VIRMA: variants seen among roughly 807,000 people sequenced by gnomAD.
The protein encoded by VIRMA is protein virilizer homolog.
VIRMA carries 65 observed loss-of-function variants against 182.4 expected under a neutral mutation model. That is an observed-to-expected ratio of 0.36 (90% CI 0.29 to 0.44). The LOEUF is 0.44. Ranked by LOEUF, VIRMA falls within the 20% of genes least tolerant of loss-of-function variation. VIRMA has a pLI of 1.00. For missense variants in VIRMA, 1,752 were observed against 2,158.1 expected, an observed-to-expected ratio of 0.81 and a Z score of 3.73; for synonymous variants, 709 against 743.1, an observed-to-expected ratio of 0.95 and a Z score of 0.75.
intron 21 of VIRMA, 21 bp downstream of exon 21, chr8:94,492,631 C>T: frequency 6.2e-7 from 1 of 1,600,498 alleles, no homozygotes; most frequent in Non-Finnish European, 8.6e-7. Flanking sequence ...CATTTGAGAT[C>T]TTCAGTGGAA....
chr8:94,538,212 G>T, intron 3 of VIRMA, 48 bp downstream of exon 3: 1 of 1,177,998 alleles, frequency 8.5e-7, no homozygotes, highest in Non-Finnish European at 1.3e-6. Flanking sequence ...AAAAGGTGTT[G>T]CTTACTAACT....
intron 14 of VIRMA, 56 bp downstream of exon 14, chr8:94,510,361 A>T: frequency 7.1e-7 from 1 of 1,415,764 alleles, no homozygotes; most frequent in Non-Finnish European, 9.8e-7. Flanking sequence ...TAAGGGAAAA[A>T]ATATATGTGT....
At chr8:94,518,479 T>C (rs1448776529) in intron 9 of VIRMA, among the ~76,000 whole-genome samples, 1 of 152,230 alleles carries the variant, frequency 6.6e-6, no homozygotes, top group African/African-American at 2.4e-5. Flanking sequence ...GCCATTTGCC[T>C]TGTGTGACAT....
chr8:94,511,924 CTAAA>C lies in VIRMA; in HGVS notation c.2845+68_2845+71del, dbSNP rs1279267916. On this transcript the variant is annotated intron_variant, in intron 12 of 23. Coordinates refer to ENST00000297591, the MANE Select transcript of VIRMA (RefSeq NM_015496.5). ...TAAATAAATGATGTTTAATAATTAACTAAATATTTAATAAATGATATTTATTCTA... is the reference window on the plus strand; with the variant it reads ...TAAATAAATGATGTTTAATAATTAACTATTTAATAAATGATATTTATTCTA... The C allele has an allele frequency of 1.1e-5, 9 of 831,766 alleles. No homozygotes were observed. The Admixed American group carries it at 3.2e-4, about 30-fold the overall frequency. 51.5% of individuals were successfully genotyped at this position (831,766 alleles called of 1,614,324 possible).
At chr8:94,541,622 A>T (rs2130384440) in intron 2 of VIRMA, among the ~76,000 whole-genome samples, 1 of 151,014 alleles carries the variant, frequency 6.6e-6, no homozygotes, top group Admixed American at 6.6e-5. Flanking sequence ...GATCACTGCA[A>T]CCTCCACCCC....
intron 8 of VIRMA, among the ~76,000 whole-genome samples, chr8:94,520,403 G>C (rs974174343): frequency 4.6e-5 from 7 of 151,990 alleles, no homozygotes; most frequent in African/African-American, 7.2e-5. Context: ...GCTGAGGTGG[G>C]AGGATCGCTT....
intron 16 of VIRMA, among the ~76,000 whole-genome samples, chr8:94,506,111 T>C (rs1162320593): frequency 1.3e-5 from 2 of 152,164 alleles, no homozygotes; most frequent in Non-Finnish European, 2.9e-5. Flanking sequence ...TCCCCATAGA[T>C]ACTGAGGAAC....
intron 21 of VIRMA, 147 bp downstream of exon 21, chr8:94,492,505 G>T: frequency 1.9e-6 from 1 of 531,512 alleles, no homozygotes; most frequent in Non-Finnish European, 3.3e-6. Flanking sequence ...AGCCAGAATG[G>T]TCTCGATCTC....
At chr8:94,510,778 C>A in intron 13 of VIRMA, 126 bp from the exon 14 acceptor site, 1 of 788,410 alleles carries the variant, frequency 1.3e-6, no homozygotes, top group Non-Finnish European at 2.0e-6. Context: ...ATTTAATTTT[C>A]TATTATACAG....
intron 1 of VIRMA, among the ~76,000 whole-genome samples, chr8:94,552,409 G>A (rs183432093): frequency 6.6e-6 from 1 of 151,932 alleles, no homozygotes; most frequent in Admixed American, 6.6e-5. Flanking sequence ...ACTGTCCTAG[G>A]CACTGGAGAT....
At chr8:94,495,284 G>A (rs148784427) in intron 19 of VIRMA, among the ~76,000 whole-genome samples, 303 of 152,178 alleles carry the variant, frequency 2.0e-3, no homozygotes, top group African/African-American at 7.1e-3. Flanking sequence ...GATTATAGTC[G>A]TGAGCCAATA....
intron 1 of VIRMA, among the ~76,000 whole-genome samples, chr8:94,552,954 C>T (rs1179477502): frequency 6.6e-6 from 1 of 151,854 alleles, no homozygotes; most frequent in Non-Finnish European, 1.5e-5. Flanking sequence ...GAAAAGAGGC[C>T]AAAGAGAAAG....
At chr8:94,543,987 T>C (rs759730184) in intron 1 of VIRMA, 45 bp from the exon 2 acceptor site, 12 of 924,962 alleles carry the variant, frequency 1.3e-5, no homozygotes, top group Middle Eastern at 2.2e-4. Flanking sequence ...CGGAACATTA[T>C]GTAAAACAGT....
chr8:94,508,741 T>A (rs1201771408), intron 15 of VIRMA, among the ~76,000 whole-genome samples: 1 of 151,400 alleles, frequency 6.6e-6, no homozygotes, highest in Non-Finnish European at 1.5e-5. Flanking sequence ...GTCTTAAATG[T>A]AACCAAACTG....
rs1333964819 is a variant in VIRMA, at chr8:94,509,656, A to T, written c.3879+32T>A. ...CACACACACACACACATACACATGCAGAGAGAGACTTTATAAAATAACTAT... is the reference window on the plus strand; with the variant it reads ...CACACACACACACACATACACATGCTGAGAGAGACTTTATAAAATAACTAT... On this transcript the variant is annotated intron_variant, in intron 15 of 23. Coordinates refer to ENST00000297591, the MANE Select transcript of VIRMA (RefSeq NM_015496.5). 2.5e-6 allele frequency: 4 copies of T among 1,585,312 alleles called. 1 individual carries two copies. The highest frequency in any genetic ancestry group is 1.7e-6 in the Non-Finnish European group (2 of 1,166,564).
chr8:94,544,662 C>CAA (rs11364603), intron 1 of VIRMA, among the ~76,000 whole-genome samples: 5 of 94,466 alleles, frequency 5.3e-5, no homozygotes, highest in South Asian at 7.0e-4. Flanking sequence ...GACTCTGTCT[C>CAA]AAAAAAAAAA....
intron 1 of VIRMA, chr8:94,546,849 C>A (rs1298745779): frequency 2.2e-6 from 1 of 451,738 alleles, no homozygotes; most frequent in South Asian, 1.6e-5. Context: ...ATGTACCACT[C>A]CCCTGATCTT....
At chr8:94,518,838 A>T in intron 9 of VIRMA, 147 bp downstream of exon 9, 1 of 736,140 alleles carries the variant, frequency 1.4e-6, no homozygotes, top group Non-Finnish European at 2.2e-6. Context: ...GATTTCTGTC[A>T]CTCTAACCTT....
In VIRMA at chr8:94,534,990, C is replaced by G; in HGVS notation, c.333G>C (p.Leu111=). The G allele has an allele frequency of 6.2e-7, 1 of 1,600,884 alleles. No individual in the cohort carries two copies. The highest frequency in any genetic ancestry group is 8.5e-7 in the Non-Finnish European group (1 of 1,176,636). Residue 111 remains leucine, a synonymous_variant, in exon 5 of 24, where the codon CTG becomes CTC. Transcript: ENST00000297591. The part of the protein sequence containing the change: ...RPNSKVNTDG[L]VLRGWYNCLT... ...GACAGTTATACCAGCCTCTTAGCAC[C>G]AGACCATCAGTATTCACCTGATTTT... is the stretch of plus-strand genomic sequence containing the variant.
Sources: allele counts gnomAD v4.1 joint callset (sites outside exome capture counted in the v4.1 genomes callset), GRCh38; gene constraint gnomAD v4.1.1; transcripts MANE v1.5; gene names NCBI Gene and HGNC (gene_info 2026-07-23, HGNC 2026-07-21).